Variants in PRIM2 observed in about 807,000 individuals in gnomAD.
The protein encoded by PRIM2 is DNA primase subunit 2, also known as DNA primase large subunit.
PRIM2 carries 39 observed loss-of-function variants against 67.3 expected under a neutral mutation model. The observed-to-expected ratio is 0.58, with a 90% confidence interval of 0.45 to 0.76. The LOEUF is 0.76. PRIM2 is among the 30% of genes least tolerant of loss of function. The probability of loss-of-function intolerance (pLI) is 0.00; values close to 1 mark genes in which losing one functional copy is unlikely to be tolerated. For missense variants in PRIM2, 398 were observed against 598.7 expected, an observed-to-expected ratio of 0.66 and a Z score of 3.50; for synonymous variants, 143 against 198.7, an observed-to-expected ratio of 0.72 and a Z score of 2.36.
chr6:57,537,415 A>G (rs1775023632), intron 9 of PRIM2, 25 bp from the exon 10 acceptor site: 6 of 1,255,578 alleles, frequency 4.8e-6, no homozygotes, highest in Non-Finnish European at 6.7e-6. Flanking sequence ...ACTTAACTTA[A>G]AACTCTACTA....
chr6:57,371,884 A>G (rs1397592170), intron 5 of PRIM2, among the ~76,000 whole-genome samples: 3 of 152,228 alleles, frequency 2.0e-5, no homozygotes, highest in Non-Finnish European at 4.4e-5. Flanking sequence ...TGCCTATTTG[A>G]GTTTCAGAGA....
chr6:57,264,976 T>TATC, the PRIM2 span, among the ~76,000 whole-genome samples: 1 of 152,156 alleles, frequency 6.6e-6, no homozygotes, highest in East Asian at 1.9e-4. Flanking sequence ...GAGAATTGGA[T>TATC]TGTGATGTCT....
At chr6:57,306,037 G>C in the PRIM2 span, among the ~76,000 whole-genome samples, 9 of 152,218 alleles carry the variant, frequency 5.9e-5, no homozygotes, top group South Asian at 1.7e-3. Context: ...GCTAAACCAA[G>C]GTCAGATTTT....
chr6:57,515,173 A>C (rs1774456736), intron 8 of PRIM2, among the ~76,000 whole-genome samples: 1 of 151,970 alleles, frequency 6.6e-6, no homozygotes, highest in Non-Finnish European at 1.5e-5. Context: ...TCATGACTCC[A>C]ATTTTAAGTA....
At chr6:57,388,637 T>C (rs930970684) in intron 7 of PRIM2, among the ~76,000 whole-genome samples, 19 of 152,298 alleles carry the variant, frequency 1.2e-4, no homozygotes, top group Admixed American at 9.8e-4. Flanking sequence ...GAAGCAGGAT[T>C]TGAATCCATA....
intron 7 of PRIM2, among the ~76,000 whole-genome samples, chr6:57,468,357 G>A (rs1382265805): frequency 5.6e-4 from 85 of 152,196 alleles, no homozygotes; most frequent in African/African-American, 1.8e-3. Flanking sequence ...GAATGTTATC[G>A]AAAGCCTTTT....
intron 13 of PRIM2, among the ~76,000 whole-genome samples, chr6:57,644,328 C>T (rs1325092094): frequency 0.35 from 52,824 of 150,850 alleles, 9,409 homozygotes; most frequent in East Asian, 0.47. Flanking sequence ...AGCTTTTCAC[C>T]CTCTCCATCT....
chr6:57,605,867 A>G (rs1433495243), intron 11 of PRIM2, among the ~76,000 whole-genome samples: 3 of 151,950 alleles, frequency 2.0e-5, no homozygotes, highest in African/African-American at 7.3e-5. Context: ...ATTCTTTTAC[A>G]TTTTCATAGA....
chr6:57,542,573 C>CT (rs1331441871), intron 10 of PRIM2, among the ~76,000 whole-genome samples: 105 of 151,910 alleles, frequency 6.9e-4, no homozygotes, highest in African/African-American at 2.4e-3. Context: ...GCAATGCAAA[C>CT]TTTTTTTCAA....
chr6:57,459,693 T>C (rs2127396070), intron 7 of PRIM2, among the ~76,000 whole-genome samples: 1 of 152,242 alleles, frequency 6.6e-6, no homozygotes, highest in East Asian at 1.9e-4. Flanking sequence ...ATTTCTATAT[T>C]ACAATATTGA....
chr6:57,323,836 A>G (rs527269007), intron 3 of PRIM2, among the ~76,000 whole-genome samples: 75 of 152,304 alleles, frequency 4.9e-4, no homozygotes, highest in African/African-American at 1.8e-3. Flanking sequence ...CATGCCTGTA[A>G]TTCTAGTGCT....
chr6:57,561,796 C>G (rs1229986326), intron 10 of PRIM2, among the ~76,000 whole-genome samples: 1 of 152,154 alleles, frequency 6.6e-6, no homozygotes, highest in Non-Finnish European at 1.5e-5. Context: ...CTGTTTGGCA[C>G]GAGAAGCTTA....
chr6:57,557,333 C>T (rs1775534300), intron 10 of PRIM2, among the ~76,000 whole-genome samples: 1 of 151,730 alleles, frequency 6.6e-6, no homozygotes, highest in Non-Finnish European at 1.5e-5. Context: ...TTCATTGCAG[C>T]ACTATTCACA....
intron 3 of PRIM2, among the ~76,000 whole-genome samples, chr6:57,322,823 CT>C (rs1405336707): frequency 1.3e-5 from 2 of 152,124 alleles, no homozygotes; most frequent in Non-Finnish European, 2.9e-5. Context: ...AGGATTCTGC[CT>C]GGTAGCCTTT....
At chr6:57,423,316 A>C (rs1369986173) in intron 7 of PRIM2, among the ~76,000 whole-genome samples, 1 of 152,172 alleles carries the variant, frequency 6.6e-6, no homozygotes, top group African/African-American at 2.4e-5. Flanking sequence ...TCAAAGAAGC[A>C]TATATATAAT....
At chr6:57,345,482 G>GTA in intron 5 of PRIM2, among the ~76,000 whole-genome samples, 2 of 78,240 alleles carry the variant, frequency 2.6e-5, no homozygotes, top group African/African-American at 1.1e-4. Flanking sequence ...ATATGTGTGT[G>GTA]TGTGTGTGTG....
chr6:57,326,072 A>T lies in PRIM2; in HGVS notation c.459+27A>T, dbSNP rs373155699. On this transcript the variant is annotated intron_variant, in intron 5 of 13. Coordinates refer to ENST00000615550, the MANE Select transcript of PRIM2 (RefSeq NM_000947.5). ...TAAGTATATTTTTGTAGTTATTTCT[A>T]ATTGTTCTCACCATTCATTTTTCCC... The T allele has an allele frequency of 6.5e-5, 104 of 1,606,314 alleles. No homozygotes were observed. The African/African-American group carries it at 1.2e-3, about 18-fold the overall frequency.
rs1348677380 is a variant in PRIM2 at position 57,469,616 on chromosome 6, C to T, written c.694-37771C>T. On this transcript the variant is annotated intron_variant, in intron 7 of 13. Transcript: ENST00000615550. Reference sequence around the variant, plus strand: ...AAGATATGAAAATACTAGAAGTTTTCGCCCTTGATTCAGAATAAGCAATGA... The same window carrying T: ...AAGATATGAAAATACTAGAAGTTTTTGCCCTTGATTCAGAATAAGCAATGA... Among the ~76,000 whole-genome samples, 14 of 152,204 alleles carry T rather than the reference C, an allele frequency of 9.2e-5. No homozygotes were observed. In the South Asian group the frequency reaches 2.3e-3, roughly 25 times the overall value.
rs542073533 is a variant in PRIM2, at chr6:57,446,572, C to T, written c.694-60815C>T. 8.8e-4 allele frequency among the ~76,000 whole-genome samples: 134 copies of T among 151,920 alleles called. 1 individual carries two copies. Among genetic ancestry groups the T allele is most frequent in the African/African-American group, 3.0e-3 (125 of 41,428 alleles). ...GAGATTACAGGCACCCGCCACCATG[C>T]CTGGGGCTGCTTTCCTAGATACACA... On this transcript the variant is annotated intron_variant, in intron 7 of 13. Coordinates refer to ENST00000615550, the MANE Select transcript of PRIM2 (RefSeq NM_000947.5).
Sources: gnomAD v4.1 joint callset for allele counts (sites outside exome capture counted in the v4.1 genomes callset) on GRCh38, gnomAD v4.1.1 for gene constraint, MANE v1.5 for transcripts, NCBI Gene and HGNC (gene_info 2026-07-23, HGNC 2026-07-21) for gene names.